The following PPP1R12A variants were observed in gnomAD, a reference collection of about 807,000 sequenced individuals.
The protein encoded by PPP1R12A is myosin binding subunit.
In PPP1R12A, 19 loss-of-function variants were observed where a neutral mutation model predicts 139.6. That is an observed-to-expected ratio of 0.14 (90% confidence interval 0.09 to 0.20). The LOEUF (loss-of-function observed/expected upper bound fraction) is 0.20. Among genes scored for constraint, PPP1R12A ranks in the 10% least tolerant of loss-of-function variants. PPP1R12A has a pLI of 1.00. For synonymous variants in PPP1R12A, 427 were observed against 420.6 expected, an observed-to-expected ratio of 1.02 and a Z score of -0.19; for missense variants, 925 against 1,211.5, an observed-to-expected ratio of 0.76 and a Z score of 3.51.
At chr12:79,806,434 A>G in intron 12 of PPP1R12A, 101 bp from the exon 13 acceptor site, 1 of 1,112,518 alleles carries the variant, frequency 9.0e-7, no homozygotes, top group South Asian at 1.8e-5. Flanking sequence ...AAAAAATTTA[A>G]AAACTGTGTT....
intron 1 of PPP1R12A, among the ~76,000 whole-genome samples, chr12:79,878,031 A>G (rs1441693655): frequency 2.6e-5 from 4 of 152,078 alleles, no homozygotes; most frequent in Non-Finnish European, 5.9e-5. Context: ...AATGCCCACA[A>G]TATATTAAGA....
At chr12:79,865,378 A>G (rs1179756224) in intron 2 of PPP1R12A, among the ~76,000 whole-genome samples, 3 of 152,204 alleles carry the variant, frequency 2.0e-5, no homozygotes, top group African/African-American at 7.2e-5. Flanking sequence ...AATGGGCAAA[A>G]ACTGGAAGCA....
intron 1 of PPP1R12A, among the ~76,000 whole-genome samples, chr12:79,927,215 C>A (rs1008322469): frequency 6.6e-6 from 1 of 151,918 alleles, no homozygotes; most frequent in Non-Finnish European, 1.5e-5. Context: ...ACACCACACC[C>A]ACACACACAC....
intron 1 of PPP1R12A, among the ~76,000 whole-genome samples, chr12:79,921,421 G>A (rs1190885045): frequency 1.3e-5 from 2 of 152,126 alleles, no homozygotes; most frequent in African/African-American, 2.4e-5. Flanking sequence ...ACACTAAACA[G>A]GTACATTCAG....
chr12:79,855,050 G>A lies in PPP1R12A; in HGVS notation c.369-9630C>T, dbSNP rs533122635. 4.6e-5 allele frequency among the ~76,000 whole-genome samples: 7 copies of A among 152,064 alleles called. No individual in the cohort carries two copies. The East Asian group carries it at 9.7e-4, about 21-fold the overall frequency. ...GTCGCCCAGGCTGGAGTGCAATGGC[G>A]CTATCTCCGCTCACTGTAAGCTCCG... On this transcript the variant is annotated intron_variant, in intron 2 of 24. Transcript: ENST00000450142.
intron 2 of PPP1R12A, among the ~76,000 whole-genome samples, chr12:79,853,405 TA>T (rs1373720488): frequency 6.6e-6 from 1 of 152,218 alleles, no homozygotes; most frequent in Non-Finnish European, 1.5e-5. Flanking sequence ...TCCTCTGCCT[TA>T]TTCTCTCCAC....
At chr12:79,902,972 TA>T (rs909068291) in intron 1 of PPP1R12A, among the ~76,000 whole-genome samples, 133 of 145,554 alleles carry the variant, frequency 9.1e-4, no homozygotes, top group African/African-American at 1.4e-3. Context: ...CACAAAAGGT[TA>T]AAAAAAAAAA....
chr12:79,806,495 A>G (rs893441626), intron 12 of PPP1R12A, among the ~76,000 whole-genome samples, 162 bp from the exon 13 acceptor site: 3 of 152,228 alleles, frequency 2.0e-5, no homozygotes, highest in African/African-American at 7.2e-5. Flanking sequence ...ACAACTTGCT[A>G]GAGTTTAGAA....
intron 1 of PPP1R12A, among the ~76,000 whole-genome samples, chr12:79,892,338 AAAT>A (rs1232749299): frequency 6.6e-6 from 1 of 152,302 alleles, no homozygotes; most frequent in East Asian, 1.9e-4. Flanking sequence ...GAGAACCAAA[AAAT>A]AATAATTGTC....
At chr12:79,882,263 G>T (rs970114423) in intron 1 of PPP1R12A, among the ~76,000 whole-genome samples, 1 of 152,192 alleles carries the variant, frequency 6.6e-6, no homozygotes, top group Non-Finnish European at 1.5e-5. Context: ...CTTTTGGAAA[G>T]AATTCACTAT....
At chr12:79,852,227 G>A (rs1297000773) in intron 2 of PPP1R12A, among the ~76,000 whole-genome samples, 1 of 138,344 alleles carries the variant, frequency 7.2e-6, no homozygotes, top group Admixed American at 7.5e-5. Context: ...GTCTCACTCT[G>A]TTGCCCAGGT....
chr12:79,836,402 T>A (rs1878087183), intron 3 of PPP1R12A, among the ~76,000 whole-genome samples: 1 of 152,178 alleles, frequency 6.6e-6, no homozygotes, highest in South Asian at 2.1e-4. Flanking sequence ...AACGTTCTGA[T>A]TTTTATTGTC....
chr12:79,907,254 T>C (rs960847437), intron 1 of PPP1R12A, among the ~76,000 whole-genome samples: 4 of 152,298 alleles, frequency 2.6e-5, no homozygotes, highest in East Asian at 3.9e-4. Context: ...ACTCTGTCCT[T>C]CTTTTAGCTC....
intron 1 of PPP1R12A, among the ~76,000 whole-genome samples, chr12:79,925,855 A>G (rs895147505): frequency 7.9e-5 from 12 of 152,362 alleles, no homozygotes; most frequent in African/African-American, 2.9e-4. Context: ...AAAAAAAAGT[A>G]TCAGTAAAAT....
chr12:79,843,471 G>A (rs1041085820), intron 3 of PPP1R12A, among the ~76,000 whole-genome samples: 13 of 151,590 alleles, frequency 8.6e-5, no homozygotes, highest in Non-Finnish European at 1.5e-4. Flanking sequence ...CCAGCTACTC[G>A]GGAGGCTGAG....
chr12:79,810,323 T>C (rs900927329), intron 9 of PPP1R12A, among the ~76,000 whole-genome samples: 5 of 152,182 alleles, frequency 3.3e-5, no homozygotes, highest in African/African-American at 1.2e-4. Flanking sequence ...ACCATGCATC[T>C]TTGGAACCAA....
chr12:79,909,293 A>C (rs192479142), intron 1 of PPP1R12A, among the ~76,000 whole-genome samples: 1 of 152,318 alleles, frequency 6.6e-6, no homozygotes, highest in Non-Finnish European at 1.5e-5. Context: ...ATCCTTAAAT[A>C]CTATTATATA....
chr12:79,912,861 A>C (rs1467878479), intron 1 of PPP1R12A, among the ~76,000 whole-genome samples: 1 of 152,226 alleles, frequency 6.6e-6, no homozygotes, highest in East Asian at 1.9e-4. Context: ...ATGTATGTTA[A>C]TCCATAGAGT....
intron 12 of PPP1R12A, 97 bp from the exon 13 acceptor site, chr12:79,806,430 T>A: frequency 8.6e-7 from 1 of 1,165,552 alleles, no homozygotes; most frequent in Non-Finnish European, 1.2e-6. Flanking sequence ...AGAAAAAAAA[T>A]TTAAAAACTG....
Sources: allele counts gnomAD v4.1 joint callset (sites outside exome capture counted in the v4.1 genomes callset), GRCh38; gene constraint gnomAD v4.1.1; transcripts MANE v1.5; gene names NCBI Gene and HGNC (gene_info 2026-07-23, HGNC 2026-07-21).